CACNA1E: variants seen among roughly 807,000 people sequenced by gnomAD.
CACNA1E encodes voltage-dependent R-type calcium channel subunit alpha-1E.
Under a neutral mutation model 259.2 loss-of-function variants are expected in CACNA1E, and 40 were observed. That is an observed-to-expected ratio of 0.15 (90% CI 0.12 to 0.20). CACNA1E has a LOEUF of 0.20. Among genes scored for constraint, CACNA1E ranks in the 10% least tolerant of loss-of-function variants. The probability of loss-of-function intolerance (pLI) is 1.00; values close to 1 mark genes in which losing one functional copy is unlikely to be tolerated. For synonymous variants in CACNA1E, 1,104 were observed against 1,138.5 expected (o/e 0.97, Z 0.61); for missense variants, 1,874 against 3,040.1 (o/e 0.62, Z 9.02).
At chr1:181,603,233 G>A (rs1344654476) in intron 6 of CACNA1E, among the ~76,000 whole-genome samples, 1 of 152,156 alleles carries the variant, frequency 6.6e-6, no homozygotes, top group Admixed American at 6.5e-5. Context: ...TTCTAAGAGC[G>A]CTCTGTGGAT....
chr1:181,586,167 G>A (rs985140154), intron 6 of CACNA1E, among the ~76,000 whole-genome samples: 1 of 152,194 alleles, frequency 6.6e-6, no homozygotes, highest in Non-Finnish European at 1.5e-5. Context: ...ATATGAGTTT[G>A]GGAGAAAGCA....
At chr1:181,781,688 C>T (rs1660444029) in intron 39 of CACNA1E, among the ~76,000 whole-genome samples, 165 bp downstream of exon 39, 1 of 152,108 alleles carries the variant, frequency 6.6e-6, no homozygotes, top group African/African-American at 2.4e-5. Context: ...CCCAGGAGGA[C>T]GAACTCATGA....
chr1:181,649,886 A>G (rs562237003), intron 6 of CACNA1E, among the ~76,000 whole-genome samples: 1 of 152,334 alleles, frequency 6.6e-6, no homozygotes, highest in African/African-American at 2.4e-5. Flanking sequence ...GGACCAAGAA[A>G]AAAGCAGCTA....
At chr1:181,600,191 C>A (rs562650255) in intron 6 of CACNA1E, among the ~76,000 whole-genome samples, 1 of 152,206 alleles carries the variant, frequency 6.6e-6, no homozygotes, top group African/African-American at 2.4e-5. Flanking sequence ...TGCAGGGACC[C>A]AAAGTGGTTG....
chr1:181,647,164 G>A (rs918327226), intron 6 of CACNA1E, among the ~76,000 whole-genome samples: 22 of 152,170 alleles, frequency 1.4e-4, no homozygotes, highest in African/African-American at 5.1e-4. Flanking sequence ...GATAGTAGGT[G>A]TTGCATGAGT....
At chr1:181,532,486 C>T (rs2102736810) in intron 3 of CACNA1E, among the ~76,000 whole-genome samples, 1 of 152,380 alleles carries the variant, frequency 6.6e-6, no homozygotes, top group African/African-American at 2.4e-5. Flanking sequence ...GGTGCAGGGG[C>T]TGTGCAGGCC....
chr1:181,587,619 C>T (rs529379365), intron 6 of CACNA1E, among the ~76,000 whole-genome samples: 2 of 152,030 alleles, frequency 1.3e-5, no homozygotes, highest in Non-Finnish European at 2.9e-5. Flanking sequence ...CGCGGTGGCT[C>T]ACTCCTGTAA....
In CACNA1E at chr1:181,483,909, C is replaced by A. The variant is rs754271529; in HGVS notation, c.165C>A (p.Pro55=). 10 of 1,613,808 alleles carry A rather than the reference C, an allele frequency of 6.2e-6. No individual in the cohort carries two copies. The highest frequency in any genetic ancestry group is 7.6e-6 in the Non-Finnish European group (9 of 1,179,816). ...QRARTMALYN[P]IPVRQNCFTV... is the part of the protein sequence containing the mutation. ...CGCGGACTATGGCTTTGTACAACCC[C>A]ATTCCCGTCCGGCAGAACTGTTTCA... Residue 55 remains proline (P), a synonymous_variant, in exon 1 of 48, where the codon CCC becomes CCA. Transcript: ENST00000367573.
chr1:181,739,677 C>T (rs895391138), intron 25 of CACNA1E, among the ~76,000 whole-genome samples: 10 of 152,150 alleles, frequency 6.6e-5, no homozygotes, highest in South Asian at 2.1e-4. Context: ...TTGAGGATCA[C>T]GGAATCCTAG....
At chr1:181,754,523 G>A (rs532953379) in intron 27 of CACNA1E, among the ~76,000 whole-genome samples, 57 of 152,314 alleles carry the variant, frequency 3.7e-4, no homozygotes, top group African/African-American at 1.3e-3. Flanking sequence ...CTAGAGTGGA[G>A]GTCTCTGGAG....
chr1:181,487,368 A>G (rs766406750), intron 1 of CACNA1E, among the ~76,000 whole-genome samples: 13 of 152,174 alleles, frequency 8.5e-5, no homozygotes, highest in Admixed American at 3.9e-4. Context: ...AGTTATTAAT[A>G]GGGGAGGTCT....
chr1:181,518,892 G>T (rs555845747), intron 3 of CACNA1E, among the ~76,000 whole-genome samples: 24 of 152,240 alleles, frequency 1.6e-4, no homozygotes, highest in Non-Finnish European at 3.5e-4. Context: ...TATCACCAAA[G>T]AGGAGGAAAA....
chr1:181,530,928 G>A (rs1009789757), intron 3 of CACNA1E, among the ~76,000 whole-genome samples: 1 of 152,186 alleles, frequency 6.6e-6, no homozygotes, highest in Admixed American at 6.6e-5. Flanking sequence ...GAAGGCACAG[G>A]CTTATGGTTT....
In CACNA1E at chr1:181,658,620, C is replaced by T. The variant is rs575897719; in HGVS notation, c.1055+7179C>T. ...ACCTGCTTAACGGCCTGTGGATGTTCGATTGATCCAGCTGTCGGGCCATGG... is the reference window on the plus strand; with the variant it reads ...ACCTGCTTAACGGCCTGTGGATGTTTGATTGATCCAGCTGTCGGGCCATGG... On this transcript the variant is annotated intron_variant, in intron 7 of 47. Transcript: ENST00000367573. 2.5e-4 allele frequency among the ~76,000 whole-genome samples: 38 copies of T among 152,180 alleles called. No individual in the cohort carries two copies. In the South Asian group the frequency reaches 3.9e-3, roughly 16 times the overall value.
intron 7 of CACNA1E, among the ~76,000 whole-genome samples, chr1:181,665,570 G>T (rs1648138442): frequency 6.6e-6 from 1 of 152,078 alleles, no homozygotes; most frequent in African/African-American, 2.4e-5. Context: ...TAACAGTAAG[G>T]CATTATATAT....
intron 44 of CACNA1E, among the ~76,000 whole-genome samples, chr1:181,792,808 T>C (rs991953633): frequency 1.1e-4 from 16 of 152,262 alleles, no homozygotes; most frequent in African/African-American, 3.9e-4. Flanking sequence ...CTTTATGCAA[T>C]GATACTAGCT....
intron 1 of CACNA1E, among the ~76,000 whole-genome samples, chr1:181,499,812 A>G (rs1263135352): frequency 2.6e-5 from 4 of 152,192 alleles, no homozygotes; most frequent in South Asian, 4.1e-4. Flanking sequence ...GCTGAGATCC[A>G]CTGATCTTCT....
At chr1:181,481,832 T>A (rs1663274319), upstream of CACNA1E, among the ~76,000 whole-genome samples, 1 of 108,668 alleles carries the variant, frequency 9.2e-6, no homozygotes. Flanking sequence ...ACCAATTCTA[T>A]TTTTTTTTTT....
At chr1:181,376,092 A>G (rs531106147) in intron 1 of CACNA1E, among the ~76,000 whole-genome samples, 73 of 152,334 alleles carry the variant, frequency 4.8e-4, no homozygotes, top group African/African-American at 1.7e-3. Context: ...TTTGACACAC[A>G]TAAGGCACTC....
Sources: allele counts gnomAD v4.1 joint callset (sites outside exome capture counted in the v4.1 genomes callset), GRCh38; gene constraint gnomAD v4.1.1; transcripts MANE v1.5; gene names NCBI Gene and HGNC (gene_info 2026-07-23, HGNC 2026-07-21).